The following CACNA1D variants were observed in gnomAD, a reference collection of about 807,000 sequenced individuals.
CACNA1D encodes calcium voltage-gated channel subunit alpha1 D, also known as voltage-dependent L-type calcium channel subunit alpha-1D.
In CACNA1D, 55 loss-of-function variants were observed where a neutral mutation model predicts 257.1. That is an observed-to-expected ratio of 0.21 (90% CI 0.17 to 0.27). The LOEUF is 0.27. Ranked by LOEUF, CACNA1D falls within the 10% of genes least tolerant of loss-of-function variation. The pLI, the probability that CACNA1D is intolerant of heterozygous loss-of-function variation, is 1.00. For synonymous variants in CACNA1D, 980 were observed against 1,014.9 expected (o/e 0.97, Z 0.65); for missense variants, 1,876 against 2,784.0 (o/e 0.67, Z 7.34).
intron 11 of CACNA1D, 107 bp downstream of exon 11, chr3:53,719,888 AT>A: frequency 9.9e-7 from 1 of 1,010,886 alleles, no homozygotes; most frequent in Non-Finnish European, 1.6e-6. Context: ...TCCTCTGTGG[AT>A]TATAACATTG....
intron 3 of CACNA1D, among the ~76,000 whole-genome samples, chr3:53,505,099 TTTTATTTG>T (rs1232029509): frequency 2.0e-5 from 3 of 150,110 alleles, no homozygotes; most frequent in Non-Finnish European, 4.4e-5. Flanking sequence ...ACCAGGTGCT[TTTTATTTG>T]TTTATTTGTT....
chr3:53,764,208 T>C (rs571315850), intron 30 of CACNA1D, among the ~76,000 whole-genome samples: 2 of 152,246 alleles, frequency 1.3e-5, no homozygotes, highest in Non-Finnish European at 2.9e-5. Flanking sequence ...ATGTAAATGA[T>C]GCTTGGTTGT....
chr3:53,507,198 AAC>A (rs1003315941), intron 3 of CACNA1D, among the ~76,000 whole-genome samples: 18 of 152,162 alleles, frequency 1.2e-4, no homozygotes, highest in African/African-American at 2.4e-4. Flanking sequence ...TATAATGTGA[AAC>A]AGTCTATGTG....
Position 53,780,052 on chromosome 3 carries a change from C to A in CACNA1D, c.4614C>A (p.Leu1538=), listed in dbSNP as rs2095417846. ...CKRLVAMNMP[L]NSDGTVMFNA... The stretch of plus-strand genomic sequence containing the variant: ...GATTAGTTGCCATGAACATGCCTCT[C>A]AACAGTGACGGGACAGTCATGTTTA... The change falls in exon 38 of 48, where the codon CTC becomes CTA. Residue 1538 remains leucine (L), a synonymous_variant. Transcript: ENST00000350061. 6.2e-7 allele frequency: 1 copy of A among 1,613,982 alleles called. No homozygotes were observed. Among genetic ancestry groups the A allele is most frequent in the East Asian group, 2.2e-5 (1 of 44,888 alleles).
intron 3 of CACNA1D, among the ~76,000 whole-genome samples, chr3:53,619,674 G>A (rs1328337588): frequency 1.3e-5 from 2 of 152,170 alleles, no homozygotes; most frequent in African/African-American, 4.8e-5. Context: ...GGGTAGGAGG[G>A]CCAGTAGAAG....
intron 3 of CACNA1D, among the ~76,000 whole-genome samples, chr3:53,613,184 A>G (rs1024747583): frequency 6.6e-6 from 1 of 152,228 alleles, no homozygotes. Flanking sequence ...TAAATTCTCT[A>G]TAATGTATTT....
At chr3:53,678,543 C>T (rs1378369898) in intron 8 of CACNA1D, among the ~76,000 whole-genome samples, 5 of 152,050 alleles carry the variant, frequency 3.3e-5, no homozygotes, top group Admixed American at 6.5e-5. Flanking sequence ...ATGGATGAAG[C>T]GAAGCATTAT....
intron 3 of CACNA1D, among the ~76,000 whole-genome samples, chr3:53,502,705 C>T (rs2090657990): frequency 6.6e-6 from 1 of 151,996 alleles, no homozygotes; most frequent in African/African-American, 2.4e-5. Flanking sequence ...AAGAAGATTG[C>T]TAGTATCGTT....
chr3:53,688,062 A>C (rs1219736534), intron 8 of CACNA1D, among the ~76,000 whole-genome samples: 4 of 152,250 alleles, frequency 2.6e-5, no homozygotes, highest in Non-Finnish European at 5.9e-5. Flanking sequence ...CCATATGGCC[A>C]AGCAATTCCA....
chr3:53,510,035 T>TGG (rs1170591407), intron 3 of CACNA1D, among the ~76,000 whole-genome samples: 1 of 152,198 alleles, frequency 6.6e-6, no homozygotes, highest in Non-Finnish European at 1.5e-5. Context: ...ACCTACAGTG[T>TGG]GGGGTTGGAA....
chr3:53,740,046 T>C (rs1368111293), intron 20 of CACNA1D, among the ~76,000 whole-genome samples: 1 of 152,194 alleles, frequency 6.6e-6, no homozygotes, highest in Non-Finnish European at 1.5e-5. Flanking sequence ...GACACAAGAC[T>C]GGGAAGCAAG....
chr3:53,609,600 A>G (rs1282317375), intron 3 of CACNA1D, among the ~76,000 whole-genome samples: 1 of 152,160 alleles, frequency 6.6e-6, no homozygotes, highest in Non-Finnish European at 1.5e-5. Context: ...CAAAGTCTAT[A>G]GGTATTCTAG....
At chr3:53,796,314 T>C (rs1012387574) in intron 40 of CACNA1D, 2 of 455,884 alleles carry the variant, frequency 4.4e-6, no homozygotes, top group African/African-American at 4.0e-5. Context: ...GGCTGGAGTC[T>C]CAAAGCCTGG....
At chr3:53,553,368 GCA>G (rs756207710) in intron 3 of CACNA1D, among the ~76,000 whole-genome samples, 1 of 152,190 alleles carries the variant, frequency 6.6e-6, no homozygotes, top group Non-Finnish European at 1.5e-5. Context: ...CTGCCTGCCT[GCA>G]CAGTCTTTAA....
intron 3 of CACNA1D, among the ~76,000 whole-genome samples, chr3:53,609,622 C>G (rs775616908): frequency 9.9e-5 from 15 of 152,058 alleles, no homozygotes; most frequent in Non-Finnish European, 1.6e-4. Context: ...AATTGTCTTT[C>G]TTTTATTTCT....
intron 7 of CACNA1D, among the ~76,000 whole-genome samples, chr3:53,669,857 T>C (rs1261788948): frequency 6.6e-6 from 1 of 151,798 alleles, no homozygotes; most frequent in Non-Finnish European, 1.5e-5. Context: ...AAAGAGTGTT[T>C]ATTTAGCCTG....
At chr3:53,718,925 T>C (rs996578929) in intron 10 of CACNA1D, among the ~76,000 whole-genome samples, 3 of 152,140 alleles carry the variant, frequency 2.0e-5, no homozygotes, top group African/African-American at 7.2e-5. Flanking sequence ...CCTGGCACTT[T>C]TTCCCTGGAG....
intron 46 of CACNA1D, 137 bp downstream of exon 46, chr3:53,808,907 G>A: frequency 4.5e-6 from 4 of 888,466 alleles, no homozygotes; most frequent in South Asian, 1.6e-5. Flanking sequence ...GTTAATCTTT[G>A]TAACAATCCT....
rs1175460516 is a variant in CACNA1D, at chr3:53,731,094, A to G, written c.2354A>G (p.Asn785Ser). The G allele has an allele frequency of 8.7e-6, 14 of 1,608,842 alleles. No individual in the cohort carries two copies. The African/African-American group carries it at 1.6e-4, about 18-fold the overall frequency. ...CTCTTTAGAAAAGAGAGCCTAGAAA[A>G]TAAAAAGAACAACAAACCAGAAGTC... ...KKIARKESLE[N>S]KKNNKPEVNQ... The change falls in exon 17 of 48, where the codon AAT becomes AGT. Residue 785 changes from asparagine (N) to serine (S), a missense_variant. Transcript: ENST00000350061.
Sources: gnomAD v4.1 joint callset for allele counts (sites outside exome capture counted in the v4.1 genomes callset) on GRCh38, gnomAD v4.1.1 for gene constraint, MANE v1.5 for transcripts, NCBI Gene and HGNC (gene_info 2026-07-23, HGNC 2026-07-21) for gene names.